Variants in SFR1 observed in about 807,000 individuals in gnomAD.
SFR1 encodes swi5-dependent recombination DNA repair protein 1 homolog.
A neutral mutation model predicts 26.2 loss-of-function variants in SFR1; 24 were observed. That is an observed-to-expected ratio of 0.92 (90% CI 0.66 to 1.29). The LOEUF (loss-of-function observed/expected upper bound fraction) is 1.29, where lower values mean the gene tolerates loss of function less well. Ranked by LOEUF, SFR1 falls within the 50% of genes most tolerant of loss-of-function variation. The pLI, the probability that SFR1 is intolerant of heterozygous loss-of-function variation, is 0.00. For synonymous variants in SFR1, 77 were observed against 96.6 expected (o/e 0.80, Z 1.19); for missense variants, 276 against 270.2 (o/e 1.02, Z -0.15).
rs376085077 is a variant in SFR1, at chr10:104,123,915, A to G, written c.337A>G (p.Thr113Ala). The change falls in exon 3 of 4, where the codon ACA becomes GCA. Residue 113 changes from threonine (T) to alanine (A), a missense_variant. Coordinates refer to ENST00000369727, the MANE Select transcript of SFR1 (RefSeq NM_001002759.2). ...KHIDSEFEENTNLKNTLKNLN... is the reference protein window; with the variant it reads ...KHIDSEFEENANLKNTLKNLN... ...TATAGACAGTGAATTTGAAGAAAAT[A>G]CAAATTTGAAAAATACTTTGAAGAA... 6.2e-7 allele frequency: 1 copy of G among 1,613,224 alleles called. No individual in the cohort carries two copies. The highest frequency in any genetic ancestry group is 2.2e-5 in the East Asian group (1 of 44,836).
chr10:104,120,217 G>C (rs571827478), upstream of SFR1, among the ~76,000 whole-genome samples: 1 of 152,324 alleles, frequency 6.6e-6, no homozygotes, highest in East Asian at 1.9e-4. Context: ...TGTGCTTCTA[G>C]TGTCAGGACA....
intron 3 of SFR1, 83 bp downstream of exon 3, chr10:104,124,207 T>C: frequency 7.6e-7 from 1 of 1,308,350 alleles, no homozygotes. Flanking sequence ...GAATTTTTTT[T>C]TTTACCATAA....
At position 104,123,812 on chromosome 10, in the gene SFR1, A is replaced by AAAAG; in HGVS notation, c.236_237insAGAA (p.Asn79LysfsTer3). 6.2e-7 allele frequency: 1 copy of AAAAG among 1,612,918 alleles called. No individual in the cohort carries two copies. The highest frequency in any genetic ancestry group is 8.5e-7 in the Non-Finnish European group (1 of 1,179,866). On this transcript the variant is annotated frameshift_variant, in exon 3 of 4. Coordinates refer to ENST00000369727, the MANE Select transcript of SFR1 (RefSeq NM_001002759.2). LOFTEE classifies it high-confidence loss of function. ...AACGTCTTAAAGTAGAGAGTGAAGA[A>AAAAG]AATGATCAGACCTTTTCAGAGAAAC...
chr10:104,122,277 T>TG (rs2086972305), intron 1 of SFR1, 81 bp downstream of exon 1: 4 of 1,459,702 alleles, frequency 2.7e-6, no homozygotes, highest in Non-Finnish European at 3.6e-6. Context: ...TGAGCTCCCT[T>TG]TCCGGGTCTG....
chr10:104,125,843 G>A lies in SFR1; in HGVS notation c.*139G>A, dbSNP rs1472849266. The A allele has an allele frequency of 1.5e-5, 8 of 541,092 alleles. No homozygotes were observed. Among genetic ancestry groups the A allele is most frequent in the Non-Finnish European group, 2.6e-5 (8 of 310,330 alleles). The allele number at this position is 541,092 out of a possible 1,614,324, so 33.5% of individuals were successfully genotyped here. ...TGTGATGGTGCGATCTTGACTCACT[G>A]CAACCTCTGCCTCTCGGGTTCCAGC... On this transcript the variant is annotated 3_prime_UTR_variant, in exon 4 of 4. Coordinates refer to ENST00000369727, the MANE Select transcript of SFR1 (RefSeq NM_001002759.2).
chr10:104,124,621 C>T (rs931894697), intron 3 of SFR1, among the ~76,000 whole-genome samples: 3 of 150,822 alleles, frequency 2.0e-5, no homozygotes, highest in African/African-American at 7.3e-5. Flanking sequence ...AACTTGGGTA[C>T]TTGGAAGGAG....
chr10:104,125,439 C>T, intron 3 of SFR1, 74 bp from the exon 4 acceptor site: 1 of 1,223,798 alleles, frequency 8.2e-7, no homozygotes, highest in Non-Finnish European at 1.2e-6. Context: ...TGCACATCCA[C>T]TAATTTAACA....
chr10:104,120,434 A>G (rs2086950519), upstream of SFR1, among the ~76,000 whole-genome samples: 1 of 152,202 alleles, frequency 6.6e-6, no homozygotes, highest in South Asian at 2.1e-4. Flanking sequence ...ATTATTAATC[A>G]TATGTGAGGC....
chr10:104,125,721 C>G lies in SFR1; in HGVS notation c.*17C>G. 1 of 1,521,480 alleles carries G rather than the reference C, an allele frequency of 6.6e-7. No homozygotes were observed. Among genetic ancestry groups the G allele is most frequent in the Non-Finnish European group, 9.0e-7 (1 of 1,116,724 alleles). The allele number at this position is 1,521,480 out of a possible 1,614,324, so 94.2% of individuals were successfully genotyped here. The stretch of plus-strand genomic sequence containing the variant: ...GATGTTTAATTCCTGATTTTTGCTC[C>G]AGAATATCTTTGAGAATGACAACTT... On this transcript the variant is annotated 3_prime_UTR_variant, in exon 4 of 4. Transcript: ENST00000369727.
At chr10:104,122,724 GGA>G (rs769340821) in intron 1 of SFR1, 14 of 1,407,792 alleles carry the variant, frequency 9.9e-6, no homozygotes, top group Non-Finnish European at 1.3e-5. Flanking sequence ...ACGAAAACAA[GGA>G]GAGTCTTGTG....
Position 104,122,984 on chromosome 10 carries a change from T to C in SFR1, c.33T>C (p.Thr11=). Residue 11 remains threonine (T), a synonymous_variant, in exon 2 of 4, where the codon ACT becomes ACC. Coordinates refer to ENST00000369727, the MANE Select transcript of SFR1 (RefSeq NM_001002759.2). MAEGEKNQDF[T]FKMESPSDSA... is the part of the protein sequence containing the mutation. ...TTTTAGAGAAAAACCAAGATTTCAC[T>C]TTCAAGATGGAAAGTCCGTCAGACT... is the stretch of plus-strand genomic sequence containing the variant. The C allele has an allele frequency of 1.2e-6, 2 of 1,613,804 alleles. No individual in the cohort carries two copies. Among genetic ancestry groups the C allele is most frequent in the Non-Finnish European group, 1.7e-6 (2 of 1,179,834 alleles).
chr10:104,122,597 G>A (rs1003563199), intron 1 of SFR1: 3 of 985,384 alleles, frequency 3.0e-6, no homozygotes, highest in Non-Finnish European at 3.6e-6. Context: ...TTGAGTCAAG[G>A]TTTCGGCTAT....
upstream of SFR1, chr10:104,121,974 T>G: frequency 3.8e-6 from 2 of 525,494 alleles, no homozygotes; most frequent in Non-Finnish European, 6.8e-6. Flanking sequence ...CGTCTGGGCC[T>G]CCCATCGTGT....
In SFR1 at chr10:104,123,896, C is replaced by G. The variant is rs895183117; in HGVS notation, c.318C>G (p.Asp106Glu). The change falls in exon 3 of 4, where the codon GAC (aspartate) becomes GAG (glutamate). Residue 106 changes from aspartate (D) to glutamate (E), a missense_variant. Asp to Glu is a conservative substitution (Grantham distance 45, BLOSUM62 2). Transcript: ENST00000369727. Reference protein sequence around the residue: ...LEFQESFKHIDSEFEENTNLK... With the variant: ...LEFQESFKHIESEFEENTNLK... ...TTCAAGAAAGTTTTAAACATATAGACAGTGAATTTGAAGAAAATACAAATT... is the reference window on the plus strand; with the variant it reads ...TTCAAGAAAGTTTTAAACATATAGAGAGTGAATTTGAAGAAAATACAAATT... 1 of 1,612,706 alleles carries G rather than the reference C, an allele frequency of 6.2e-7. No homozygotes were observed. The highest frequency in any genetic ancestry group is 1.3e-5 in the African/African-American group (1 of 74,820).
At position 104,123,090 on chromosome 10, in the gene SFR1, T is replaced by C. The variant is rs2086985308; in HGVS notation, c.135+4T>C. 2 of 1,553,834 alleles carry C rather than the reference T, an allele frequency of 1.3e-6. No individual in the cohort carries two copies. Among genetic ancestry groups the C allele is most frequent in the South Asian group, 2.5e-5 (2 of 81,112 alleles). ...TACAAATAGTTCCCGAAAACAAGTA[T>C]GAAAATCTTTGTTCTTCCAGTGGAT... On this transcript the variant is annotated splice_donor_region_variant and intron_variant, in intron 2 of 3. Coordinates refer to ENST00000369727, the MANE Select transcript of SFR1 (RefSeq NM_001002759.2).
rs770800897 is a variant in SFR1 at position 104,122,216 on chromosome 10, G to A, written c.13+20G>A. ...AGGGAGGTACCCTGCTGAGGGGAAGGGGGGATCCCTGACACCTGGGCTTCC... is the reference window on the plus strand; with the variant it reads ...AGGGAGGTACCCTGCTGAGGGGAAGAGGGGATCCCTGACACCTGGGCTTCC... On this transcript the variant is annotated intron_variant, in intron 1 of 3. Transcript: ENST00000369727. The A allele has an allele frequency of 5.9e-6, 9 of 1,537,144 alleles. No individual in the cohort carries two copies. The highest frequency in any genetic ancestry group is 7.9e-6 in the Non-Finnish European group (9 of 1,140,076).
chr10:104,122,046 G>C (rs2086967784), upstream of SFR1: 9 of 1,082,586 alleles, frequency 8.3e-6, no homozygotes, highest in Non-Finnish European at 1.2e-5. Flanking sequence ...ACCGCTCTGA[G>C]TCGCTGAGTG....
chr10:104,125,376 CT>C, intron 3 of SFR1, 136 bp from the exon 4 acceptor site: 2 of 645,304 alleles, frequency 3.1e-6, no homozygotes, highest in South Asian at 2.0e-5. Context: ...GACCATCCTA[CT>C]TTTTCCTAGA....
In SFR1 at chr10:104,122,959, T is replaced by C; in HGVS notation, c.14-6T>C. On this transcript the variant is annotated splice_polypyrimidine_tract_variant and splice_region_variant and intron_variant, in intron 1 of 3. Coordinates refer to ENST00000369727, the MANE Select transcript of SFR1 (RefSeq NM_001002759.2). Reference sequence around the variant, plus strand: ...ATTCGATTATTTTATAATTTTTCTTTTTTAGAGAAAAACCAAGATTTCACT... The same window carrying C: ...ATTCGATTATTTTATAATTTTTCTTCTTTAGAGAAAAACCAAGATTTCACT... 1 of 1,612,660 alleles carries C rather than the reference T, an allele frequency of 6.2e-7. No homozygotes were observed. Among genetic ancestry groups the C allele is most frequent in the Non-Finnish European group, 8.5e-7 (1 of 1,179,066 alleles).
Sources: gnomAD v4.1 joint callset for allele counts (sites outside exome capture counted in the v4.1 genomes callset) on GRCh38, gnomAD v4.1.1 for gene constraint, MANE v1.5 for transcripts, NCBI Gene and HGNC (gene_info 2026-07-23, HGNC 2026-07-21) for gene names.